Variants in ORC3 observed in about 807,000 individuals in gnomAD.
ORC3 encodes origin recognition complex subunit 3.
ORC3 carries 78 observed loss-of-function variants against 100.7 expected under a neutral mutation model. The ratio of observed to expected loss-of-function variants is 0.77; its 90% CI spans 0.65 to 0.94. The LOEUF (loss-of-function observed/expected upper bound fraction) is 0.94. Ranked by LOEUF, ORC3 falls within the 40% of genes least tolerant of loss-of-function variation. The probability of loss-of-function intolerance (pLI) is 0.00; values close to 1 mark genes in which losing one functional copy is unlikely to be tolerated. For missense variants in ORC3, 789 were observed against 823.9 expected, an observed-to-expected ratio of 0.96 and a Z score of 0.52; for synonymous variants, 295 against 289.3, an observed-to-expected ratio of 1.02 and a Z score of -0.20.
intron 4 of ORC3, 115 bp from the exon 5 acceptor site, chr6:87,605,802 G>T: frequency 1.6e-6 from 1 of 609,962 alleles, no homozygotes; most frequent in Non-Finnish European, 2.9e-6. Context: ...CTTGGTTTCT[G>T]TTATTAATCA....
chr6:87,612,055 A>T (rs771984941), intron 7 of ORC3, 34 bp from the exon 8 acceptor site: 1 of 1,592,102 alleles, frequency 6.3e-7, no homozygotes, highest in Non-Finnish European at 8.6e-7. Context: ...TTTGCTAAAT[A>T]AATTTCACTT....
the ORC3 span, among the ~76,000 whole-genome samples, chr6:87,673,657 A>G: frequency 2.0e-5 from 3 of 152,028 alleles, no homozygotes; most frequent in Non-Finnish European, 4.4e-5. Flanking sequence ...CCTGGCCAAC[A>G]TGGTGAAACC....
chr6:87,616,144 ATTAAC>A (rs1037610351), intron 8 of ORC3, among the ~76,000 whole-genome samples, 165 bp from the exon 9 acceptor site: 2 of 152,150 alleles, frequency 1.3e-5, no homozygotes, highest in Non-Finnish European at 2.9e-5. Context: ...TCTTGTATAA[ATTAAC>A]TTAAAATTTT....
Position 87,667,200 on chromosome 6 carries a change from G to A in ORC3, c.*77G>A. 1 of 820,414 alleles carries A rather than the reference G, an allele frequency of 1.2e-6. No homozygotes were observed. The highest frequency in any genetic ancestry group is 2.0e-6 in the Non-Finnish European group (1 of 509,204). The allele number at this position is 820,414 out of a possible 1,614,324, so 50.8% of individuals were successfully genotyped here. A position where few individuals can be genotyped will look rare whatever the true frequency, so the allele number is the denominator to read the frequency against. On this transcript the variant is annotated 3_prime_UTR_variant, in exon 20 of 20. Transcript: ENST00000392844. ...TGACCAGTCATATTTACATATATTA[G>A]AGGAGCCTGTTTTGTTGAGAAGATA...
At chr6:87,594,547 G>T (rs192814498) in intron 2 of ORC3, 140 bp downstream of exon 2, 16 of 1,341,120 alleles carry the variant, frequency 1.2e-5, no homozygotes, top group Non-Finnish European at 1.5e-5. Flanking sequence ...CCAAGGCATT[G>T]GTCAAAGAGA....
chr6:87,633,293 C>T (rs1246725349), intron 11 of ORC3, among the ~76,000 whole-genome samples: 1 of 152,140 alleles, frequency 6.6e-6, no homozygotes, highest in Non-Finnish European at 1.5e-5. Flanking sequence ...TGTTATGGCT[C>T]ACAGTAAAAA....
intron 7 of ORC3, 46 bp from the exon 8 acceptor site, chr6:87,612,043 T>C: frequency 6.4e-7 from 1 of 1,554,010 alleles, no homozygotes; most frequent in Middle Eastern, 1.7e-4. Context: ...TATTGAAATA[T>C]ATTTGCTAAA....
chr6:87,674,256 C>T, the ORC3 span, among the ~76,000 whole-genome samples: 1 of 138,688 alleles, frequency 7.2e-6, no homozygotes, highest in Non-Finnish European at 1.5e-5. Flanking sequence ...GAGCCGAGAT[C>T]GTGCCACTGC....
downstream of ORC3, among the ~76,000 whole-genome samples, chr6:87,671,112 A>T (rs1770821859): frequency 6.6e-6 from 1 of 152,116 alleles, no homozygotes; most frequent in African/African-American, 2.4e-5. Context: ...ACCTTTGTGA[A>T]GTTTTACTTT....
chr6:87,640,896 T>TGAG (rs1373203247), intron 13 of ORC3, among the ~76,000 whole-genome samples: 1 of 152,094 alleles, frequency 6.6e-6, no homozygotes, highest in East Asian at 1.9e-4. Context: ...GATCAGGAGA[T>TGAG]GAGGAGTTCG....
At chr6:87,623,744 C>T (rs1360445955) in intron 11 of ORC3, among the ~76,000 whole-genome samples, 8 of 151,944 alleles carry the variant, frequency 5.3e-5, no homozygotes, top group Non-Finnish European at 7.4e-5. Context: ...ATTAGCTGGG[C>T]GTGGTAGCGC....
At chr6:87,595,561 C>G (rs1211420811) in intron 2 of ORC3, 2 of 152,160 alleles carry the variant, frequency 1.3e-5, no homozygotes, top group Non-Finnish European at 2.9e-5. Context: ...CTACATATTT[C>G]CAAGTGGCCC....
chr6:87,676,268 T>G, the ORC3 span, among the ~76,000 whole-genome samples: 2 of 149,326 alleles, frequency 1.3e-5, no homozygotes, highest in Non-Finnish European at 3.0e-5. Context: ...ATCGAGACCA[T>G]CCTGGCTAAC....
the ORC3 span, among the ~76,000 whole-genome samples, chr6:87,674,513 A>G: frequency 6.6e-6 from 1 of 151,526 alleles, no homozygotes; most frequent in African/African-American, 2.4e-5. Flanking sequence ...ATGCTTTTGC[A>G]TATCAAGTTC....
At chr6:87,616,872 C>T (rs1053934952) in intron 9 of ORC3, among the ~76,000 whole-genome samples, 3 of 152,004 alleles carry the variant, frequency 2.0e-5, no homozygotes, top group African/African-American at 7.2e-5. Context: ...ATGATCTCAG[C>T]TCACTGCAAC....
chr6:87,619,742 G>A (rs1458575989), intron 9 of ORC3, among the ~76,000 whole-genome samples: 1 of 152,104 alleles, frequency 6.6e-6, no homozygotes, highest in Non-Finnish European at 1.5e-5. Flanking sequence ...CCTCAGTTTT[G>A]CACATGAAGA....
At chr6:87,615,268 A>G (rs758311784) in intron 8 of ORC3, among the ~76,000 whole-genome samples, 3 of 152,150 alleles carry the variant, frequency 2.0e-5, no homozygotes, top group Non-Finnish European at 4.4e-5. Context: ...CCCATGATTC[A>G]GTTACCTCCC....
At chr6:87,648,459 G>A (rs1175132205) in intron 13 of ORC3, among the ~76,000 whole-genome samples, 2 of 152,002 alleles carry the variant, frequency 1.3e-5, no homozygotes, top group African/African-American at 2.4e-5. Flanking sequence ...TGTTGTGGTG[G>A]TTATTTTGGT....
At chr6:87,667,773 C>CA (rs1331252956), downstream of ORC3, among the ~76,000 whole-genome samples, 1 of 151,976 alleles carries the variant, frequency 6.6e-6, no homozygotes, top group Non-Finnish European at 1.5e-5. Flanking sequence ...CTAAGAAATA[C>CA]AAAAAATTAG....
Sources: allele counts gnomAD v4.1 joint callset (sites outside exome capture counted in the v4.1 genomes callset), GRCh38; gene constraint gnomAD v4.1.1; transcripts MANE v1.5; gene names NCBI Gene and HGNC (gene_info 2026-07-23, HGNC 2026-07-21).